Variants in FBXL17 observed in about 807,000 individuals in gnomAD.
FBXL17 encodes F-box/LRR-repeat protein 17.
In FBXL17, 22 loss-of-function variants were observed where a neutral mutation model predicts 66.2. That is an observed-to-expected ratio of 0.33 (90% CI 0.24 to 0.47). The LOEUF (loss-of-function observed/expected upper bound fraction) is 0.47. Among genes scored for constraint, FBXL17 ranks in the 20% least tolerant of loss-of-function variants. FBXL17 has a pLI of 1.00. For missense variants in FBXL17, 878 were observed against 948.2 expected (o/e 0.93, Z 0.97); for synonymous variants, 474 against 400.5 (o/e 1.18, Z -2.19).
At chr5:107,955,837 T>C (rs533016837) in intron 7 of FBXL17, among the ~76,000 whole-genome samples, 1 of 152,302 alleles carries the variant, frequency 6.6e-6, no homozygotes, top group Non-Finnish European at 1.5e-5. Flanking sequence ...TAATATCATG[T>C]CTATGGCTAA....
At chr5:108,265,431 A>G (rs1757008076) in intron 4 of FBXL17, among the ~76,000 whole-genome samples, 1 of 152,162 alleles carries the variant, frequency 6.6e-6, no homozygotes, top group Admixed American at 6.5e-5. Flanking sequence ...AACAATTCCC[A>G]TAATATTAGA....
chr5:108,036,106 A>C (rs1334454604), intron 6 of FBXL17, among the ~76,000 whole-genome samples: 2 of 152,028 alleles, frequency 1.3e-5, no homozygotes, highest in Non-Finnish European at 2.9e-5. Context: ...GCACCAGTCT[A>C]TTTTCCTGTT....
At chr5:108,326,297 T>C (rs1449049279) in intron 4 of FBXL17, among the ~76,000 whole-genome samples, 8 of 150,944 alleles carry the variant, frequency 5.3e-5, no homozygotes, top group Non-Finnish European at 1.0e-4. Flanking sequence ...TAAAAAAAAA[T>C]AGGCAGAAGA....
intron 7 of FBXL17, among the ~76,000 whole-genome samples, chr5:107,926,938 A>C (rs1750542545): frequency 6.6e-6 from 1 of 152,134 alleles, no homozygotes; most frequent in Admixed American, 6.6e-5. Context: ...GCACAATAAA[A>C]TTACCGGTTA....
chr5:108,085,810 G>A (rs1748947723), intron 6 of FBXL17, among the ~76,000 whole-genome samples: 1 of 152,120 alleles, frequency 6.6e-6, no homozygotes, highest in African/African-American at 2.4e-5. Flanking sequence ...AGTGGCATGC[G>A]CCTGTAGTCC....
chr5:108,031,175 A>G (rs1261632524), intron 6 of FBXL17, among the ~76,000 whole-genome samples: 1 of 152,122 alleles, frequency 6.6e-6, no homozygotes, highest in Non-Finnish European at 1.5e-5. Flanking sequence ...AAGTTTGTGG[A>G]GAGAACACTG....
At chr5:107,921,433 C>T (rs1460461308) in intron 7 of FBXL17, among the ~76,000 whole-genome samples, 1 of 152,054 alleles carries the variant, frequency 6.6e-6, no homozygotes, top group Non-Finnish European at 1.5e-5. Flanking sequence ...TATCAATGAG[C>T]CGCTTTAGTA....
intron 4 of FBXL17, among the ~76,000 whole-genome samples, chr5:108,339,488 C>T (rs191480127): frequency 2.9e-3 from 437 of 151,966 alleles, no homozygotes; most frequent in Non-Finnish European, 4.0e-3. Context: ...TGCACTTCCA[C>T]ACTTGTATCT....
At chr5:107,994,519 A>C (rs1753387090) in intron 7 of FBXL17, among the ~76,000 whole-genome samples, 1 of 152,146 alleles carries the variant, frequency 6.6e-6, no homozygotes, top group South Asian at 2.1e-4. Flanking sequence ...TTAAAAAATA[A>C]ACATAAAGGG....
chr5:107,908,269 T>C (rs1052452362), intron 7 of FBXL17, among the ~76,000 whole-genome samples: 3 of 152,202 alleles, frequency 2.0e-5, no homozygotes, highest in African/African-American at 7.2e-5. Context: ...GTATTTTGGT[T>C]ATTTAGTCAA....
intron 7 of FBXL17, among the ~76,000 whole-genome samples, chr5:107,942,463 A>AT (rs1751138808): frequency 6.6e-6 from 1 of 152,176 alleles, no homozygotes; most frequent in African/African-American, 2.4e-5. Context: ...TACTGATGAC[A>AT]CACCTATCTC....
intron 4 of FBXL17, among the ~76,000 whole-genome samples, chr5:108,279,430 T>C (rs1757615176): frequency 6.6e-6 from 1 of 151,900 alleles, no homozygotes; most frequent in South Asian, 2.1e-4. Context: ...AAACCACGGA[T>C]ACCAGTAATG....
At chr5:108,223,521 A>G (rs1754963488) in intron 5 of FBXL17, among the ~76,000 whole-genome samples, 1 of 152,202 alleles carries the variant, frequency 6.6e-6, no homozygotes, top group Non-Finnish European at 1.5e-5. Flanking sequence ...ACACAAATGT[A>G]AGAATTGGCT....
rs375757984 is a variant in FBXL17 at position 108,192,986 on chromosome 5, G to A, written c.1615-6739C>T. ...ATGTTCTATCACTTCAGGACTCTGA[G>A]GATAATTTAAGTGACACAAGTTGGA... On this transcript the variant is annotated intron_variant, in intron 5 of 8. Transcript: ENST00000542267. Among the ~76,000 whole-genome samples the A allele has an allele frequency of 4.6e-3, 694 of 152,220 alleles. 3 individuals are homozygous for A. Among genetic ancestry groups the A allele is most frequent in the African/African-American group, 0.016 (667 of 41,532 alleles).
intron 6 of FBXL17, among the ~76,000 whole-genome samples, chr5:108,123,271 A>AG (rs1339322099): frequency 6.6e-6 from 1 of 152,000 alleles, no homozygotes; most frequent in Non-Finnish European, 1.5e-5. Flanking sequence ...TTTATCCTGA[A>AG]AGAAGTGCAT....
intron 6 of FBXL17, among the ~76,000 whole-genome samples, chr5:108,043,413 T>C (rs1747127246): frequency 6.6e-6 from 1 of 152,162 alleles, no homozygotes; most frequent in Admixed American, 6.5e-5. Context: ...ATATAAGCTA[T>C]GTGACAGGTT....
chr5:107,969,207 G>A (rs951778672), intron 7 of FBXL17, among the ~76,000 whole-genome samples: 11 of 152,096 alleles, frequency 7.2e-5, no homozygotes, highest in Non-Finnish European at 1.5e-4. Context: ...TGTCAACACC[G>A]TGGTCTAGGT....
At chr5:108,070,163 A>G (rs1748274299) in intron 6 of FBXL17, among the ~76,000 whole-genome samples, 1 of 152,220 alleles carries the variant, frequency 6.6e-6, no homozygotes, top group Non-Finnish European at 1.5e-5. Flanking sequence ...TCACTCTATC[A>G]TTCCATTAGA....
In FBXL17 at chr5:108,149,495, GT is replaced by G. The variant is rs1348556269; in HGVS notation, c.1745+36621del. 3.3e-5 allele frequency among the ~76,000 whole-genome samples: 5 copies of G among 152,268 alleles called. No individual in the cohort carries two copies. The East Asian group carries it at 9.7e-4, about 29-fold the overall frequency. ...AGCTTCCTCAGTCTCACTTTGAAGT[GT>G]GTTACACATGTGTTAAGCATGAGAG... On this transcript the variant is annotated intron_variant, in intron 6 of 8. Coordinates refer to ENST00000542267, the MANE Select transcript of FBXL17 (RefSeq NM_001163315.3).
Sources: allele counts gnomAD v4.1 joint callset (sites outside exome capture counted in the v4.1 genomes callset), GRCh38; gene constraint gnomAD v4.1.1; transcripts MANE v1.5; gene names NCBI Gene and HGNC (gene_info 2026-07-23, HGNC 2026-07-21).